ATP8A2: variants seen among roughly 807,000 people sequenced by gnomAD.
ATP8A2 encodes phospholipid-transporting ATPase IB.
In ATP8A2, 100 loss-of-function variants were observed where a neutral mutation model predicts 165.6. The ratio of observed to expected loss-of-function variants is 0.60; its 90% confidence interval spans 0.51 to 0.71. The LOEUF (loss-of-function observed/expected upper bound fraction) is 0.71. ATP8A2 is among the 30% of genes least tolerant of loss of function. ATP8A2 has a pLI of 0.00. For missense variants in ATP8A2, 1,227 were observed against 1,479.5 expected, an observed-to-expected ratio of 0.83 and a Z score of 2.80; for synonymous variants, 543 against 548.8, an observed-to-expected ratio of 0.99 and a Z score of 0.15.
chr13:25,754,109 A>AT (rs2044211533), intron 25 of ATP8A2, among the ~76,000 whole-genome samples: 1 of 152,160 alleles, frequency 6.6e-6, no homozygotes, highest in African/African-American at 2.4e-5. Flanking sequence ...ATCTCTGCAC[A>AT]TCTCCCTTAA....
At position 25,829,668 on chromosome 13, in the gene ATP8A2, G is replaced by GTATATATATA. The variant is rs71080203; in HGVS notation, c.2754+1520_2754+1529dup. 2.5e-3 allele frequency among the ~76,000 whole-genome samples: 161 copies of GTATATATATA among 63,352 alleles called. 6 individuals carry two copies. Among genetic ancestry groups the GTATATATATA allele is most frequent in the Non-Finnish European group, 3.2e-3 (103 of 31,880 alleles). The allele number at this position is 63,352 out of a possible 152,430, so 41.6% of individuals were successfully genotyped here. On this transcript the variant is annotated intron_variant, in intron 28 of 36. Transcript: ENST00000381655. ...TGTTGTAGAGCCAAGGACAGGTGTG[G>GTATATATATA]TATATATATATATATATATATATAT...
At chr13:25,417,090 A>G (rs2034153478) in intron 1 of ATP8A2, among the ~76,000 whole-genome samples, 1 of 152,176 alleles carries the variant, frequency 6.6e-6, no homozygotes, top group African/African-American at 2.4e-5. Context: ...AACTTTAATT[A>G]TGAAGTATTG....
rs535038045 is a variant in ATP8A2, at chr13:25,901,107, G to T, written c.3183+38699G>T. On this transcript the variant is annotated intron_variant, in intron 33 of 36. Transcript: ENST00000381655. Reference sequence around the variant, plus strand: ...GCAGGGAGCTGAAGGGAGACAGGTGGAGGAGGCCAAGCAACTGGCTAAGCC... The same window carrying T: ...GCAGGGAGCTGAAGGGAGACAGGTGTAGGAGGCCAAGCAACTGGCTAAGCC... Among the ~76,000 whole-genome samples the T allele has an allele frequency of 2.6e-5, 4 of 152,320 alleles. No homozygotes were observed. The East Asian group carries it at 7.7e-4, about 29-fold the overall frequency.
At chr13:25,881,129 T>TG (rs1393562042) in intron 33 of ATP8A2, among the ~76,000 whole-genome samples, 4 of 152,190 alleles carry the variant, frequency 2.6e-5, no homozygotes, top group Non-Finnish European at 5.9e-5. Context: ...TTCTTTTGTT[T>TG]GGGGGGCATT....
In ATP8A2 at chr13:25,953,818, G is replaced by A. The variant is rs117967055; in HGVS notation, c.3184-7757G>A. Among the ~76,000 whole-genome samples, 891 of 152,250 alleles carry A rather than the reference G, an allele frequency of 5.9e-3. 24 individuals carry two copies. In the East Asian group the frequency reaches 0.094, roughly 16 times the overall value. On this transcript the variant is annotated intron_variant, in intron 33 of 36. Coordinates refer to ENST00000381655, the MANE Select transcript of ATP8A2 (RefSeq NM_016529.6). This position sits in a 1 kb window ranked among gnomAD's most constrained non-coding sequence, Gnocchi z 6.7. ...TGTGCTGTAAGGAACCATGCATTCC[G>A]TCCCAGATACTATGCTTTTCCCATG...
Position 25,763,495 on chromosome 13 carries a change from TTTTC to T in ATP8A2, c.2385-5543_2385-5540del, listed in dbSNP as rs561306761. On this transcript the variant is annotated intron_variant, in intron 25 of 36. Coordinates refer to ENST00000381655, the MANE Select transcript of ATP8A2 (RefSeq NM_016529.6). ...GAACTATTGAGTGATTGAGTTGAAA[TTTTC>T]TTTCTTTGTGCCTCTAGATAAGCTA... is the stretch of plus-strand genomic sequence containing the variant. 2.4e-4 allele frequency among the ~76,000 whole-genome samples: 37 copies of T among 152,178 alleles called. 1 individual carries two copies. In the South Asian group the frequency reaches 7.3e-3, roughly 30 times the overall value.
intron 10 of ATP8A2, 24 bp downstream of exon 10, chr13:25,543,426 C>A: frequency 6.8e-7 from 1 of 1,460,362 alleles, no homozygotes; most frequent in Non-Finnish European, 9.5e-7. Context: ...ATGCTGATTT[C>A]AGTCTTTTTT....
intron 24 of ATP8A2, among the ~76,000 whole-genome samples, chr13:25,596,299 T>A (rs1317748419): frequency 6.6e-6 from 1 of 152,244 alleles, no homozygotes; most frequent in African/African-American, 2.4e-5. Context: ...AAATCAGCTC[T>A]ATTGAGATAC....
chr13:25,830,351 T>C (rs1951431163), intron 28 of ATP8A2, among the ~76,000 whole-genome samples: 1 of 152,100 alleles, frequency 6.6e-6, no homozygotes, highest in Non-Finnish European at 1.5e-5. Context: ...AGATTATATT[T>C]TATGCAGTTT....
chr13:25,828,837 C>G (rs1951383391), intron 28 of ATP8A2, among the ~76,000 whole-genome samples: 1 of 152,052 alleles, frequency 6.6e-6, no homozygotes, highest in South Asian at 2.1e-4. Flanking sequence ...GCTTAGCTTT[C>G]TTGCTTTTTG....
chr13:25,414,096 C>G (rs1478326835), intron 1 of ATP8A2, among the ~76,000 whole-genome samples: 1 of 151,884 alleles, frequency 6.6e-6, no homozygotes, highest in Non-Finnish European at 1.5e-5. Context: ...AAACCGGGAC[C>G]CACAGAGACC....
At chr13:25,548,902 AT>A (rs2038733743) in intron 10 of ATP8A2, among the ~76,000 whole-genome samples, 1 of 152,198 alleles carries the variant, frequency 6.6e-6, no homozygotes, top group Non-Finnish European at 1.5e-5. Flanking sequence ...TCAAATAACA[AT>A]TTCAGTGATG....
chr13:25,879,444 A>G (rs1461410727), intron 33 of ATP8A2, among the ~76,000 whole-genome samples: 2 of 152,252 alleles, frequency 1.3e-5, no homozygotes, highest in African/African-American at 2.4e-5. Flanking sequence ...ATGCATAGAC[A>G]GTTATCATGC....
At chr13:25,467,217 C>T (rs1229019952) in intron 1 of ATP8A2, among the ~76,000 whole-genome samples, 1 of 152,132 alleles carries the variant, frequency 6.6e-6, no homozygotes, top group East Asian at 1.9e-4. Context: ...TGTGGGCACA[C>T]GCAAAAAGCA....
intron 1 of ATP8A2, among the ~76,000 whole-genome samples, chr13:25,423,909 G>C (rs1470383620): frequency 6.6e-6 from 1 of 152,210 alleles, no homozygotes; most frequent in Non-Finnish European, 1.5e-5. Flanking sequence ...AATTCTAACA[G>C]TGTGAGTTGT....
chr13:25,459,950 C>G (rs2035461695), intron 1 of ATP8A2, among the ~76,000 whole-genome samples: 2 of 152,226 alleles, frequency 1.3e-5, no homozygotes, highest in African/African-American at 4.8e-5. Flanking sequence ...GCCTGTAATC[C>G]CAGCACTTTG....
chr13:25,680,585 G>A (rs1465771869), intron 24 of ATP8A2, among the ~76,000 whole-genome samples: 2 of 152,192 alleles, frequency 1.3e-5, no homozygotes, highest in Admixed American at 6.5e-5. Flanking sequence ...GACCAGGGTG[G>A]TAGAATCATG....
chr13:25,775,147 T>G (rs534200748), intron 27 of ATP8A2, among the ~76,000 whole-genome samples, 188 bp downstream of exon 27: 96 of 152,334 alleles, frequency 6.3e-4, no homozygotes, highest in African/African-American at 2.3e-3. Context: ...TAGATCCTCA[T>G]GCTGGATGAC....
chr13:25,947,995 A>C (rs1955257320), intron 33 of ATP8A2, among the ~76,000 whole-genome samples: 1 of 152,126 alleles, frequency 6.6e-6, no homozygotes, highest in Non-Finnish European at 1.5e-5. Flanking sequence ...AAGACACCCA[A>C]TGGGCATTGG....
Sources: allele counts gnomAD v4.1 joint callset (sites outside exome capture counted in the v4.1 genomes callset), GRCh38; gene constraint gnomAD v4.1.1; non-coding constraint Gnocchi (gnomAD v3.1); transcripts MANE v1.5; gene names NCBI Gene and HGNC (gene_info 2026-07-23, HGNC 2026-07-21).